Variants in COL4A2 observed in about 807,000 individuals in gnomAD.
COL4A2 encodes collagen type IV alpha 2 chain.
In COL4A2, 99 loss-of-function variants were observed where a neutral mutation model predicts 200.2. That is an observed-to-expected ratio of 0.49 (90% CI 0.42 to 0.58). The LOEUF is 0.58. COL4A2 is among the 20% of genes least tolerant of loss of function. The pLI, the probability that COL4A2 is intolerant of heterozygous loss-of-function variation, is 0.00. For missense variants in COL4A2, 1,950 were observed against 2,314.1 expected (o/e 0.84, Z 3.23); for synonymous variants, 897 against 900.6 (o/e 1.00, Z 0.07).
chr13:110,458,682 AC>A, intron 21 of COL4A2, 88 bp from the exon 22 acceptor site: 1 of 1,537,782 alleles, frequency 6.5e-7, no homozygotes, highest in Non-Finnish European at 8.9e-7. Context: ...CAAGTGTGCC[AC>A]CCAGCTCTCC....
chr13:110,509,297 A>ACACACAC (rs1566575730), intron 47 of COL4A2, among the ~76,000 whole-genome samples: 1 of 141,820 alleles, frequency 7.1e-6, no homozygotes, highest in African/African-American at 2.6e-5. Context: ...ACACACACAC[A>ACACACAC]ACATAAAATA....
chr13:110,459,083 C>CCG, intron 22 of COL4A2, 149 bp downstream of exon 22: 2 of 772,154 alleles, frequency 2.6e-6, no homozygotes, highest in Admixed American at 3.5e-5. Flanking sequence ...TAAAAACCCA[C>CCG]ATACCCCAAG....
At chr13:110,506,659 G>A in intron 46 of COL4A2, 53 bp downstream of exon 46, 3 of 1,510,780 alleles carry the variant, frequency 2.0e-6, no homozygotes, top group Non-Finnish European at 2.7e-6. Context: ...GCCCGGAAGT[G>A]GCCAAGATCA....
At chr13:110,435,572 C>T (rs1242628910) in intron 12 of COL4A2, among the ~76,000 whole-genome samples, 2 of 152,080 alleles carry the variant, frequency 1.3e-5, no homozygotes, top group African/African-American at 2.4e-5. Flanking sequence ...TACTGCTGTC[C>T]GTGTTATGTG....
At chr13:110,334,356 T>C (rs545222442) in intron 3 of COL4A2, among the ~76,000 whole-genome samples, 1 of 152,320 alleles carries the variant, frequency 6.6e-6, no homozygotes, top group South Asian at 2.1e-4. Context: ...ACCATCTGCA[T>C]GTTGGAAGTG....
chr13:110,503,168 A>G lies in COL4A2; in HGVS notation c.3925A>G (p.Ser1309Gly). ...GPPGSAALPG[S>G]KGDTGNPGAP... ...ACCAGGTTCTGCTGCTCTTCCTGGA[A>G]GCAAAGGTGACACAGGGAACCCAGG... Residue 1309 changes from serine to glycine, a missense_variant, in exon 42 of 48, where the codon AGC (serine) becomes GGC (glycine). Ser to Gly is a moderately conservative substitution (Grantham distance 56). Around this residue, in one of 2 missense-constraint regions of COL4A2, gnomAD observed 1,385 missense variants for 1,720.5 expected, o/e 0.80. Coordinates refer to ENST00000360467, the MANE Select transcript of COL4A2 (RefSeq NM_001846.4). 1 of 1,613,988 alleles carries G rather than the reference A, an allele frequency of 6.2e-7. No individual in the cohort carries two copies. Among genetic ancestry groups the G allele is most frequent in the Non-Finnish European group, 8.5e-7 (1 of 1,179,988 alleles).
At chr13:110,388,290 T>TGGGA (rs983094385) in intron 4 of COL4A2, among the ~76,000 whole-genome samples, 7 of 152,210 alleles carry the variant, frequency 4.6e-5, no homozygotes, top group Admixed American at 4.6e-4. Context: ...GCCGGCACCT[T>TGGGA]GGGAGGCACT....
At chr13:110,500,492 A>G (rs1883603103) in intron 40 of COL4A2, among the ~76,000 whole-genome samples, 1 of 152,222 alleles carries the variant, frequency 6.6e-6, no homozygotes, top group South Asian at 2.1e-4. Flanking sequence ...GTTGGCTGAC[A>G]GCACAGGGAG....
chr13:110,424,891 C>T (rs1566525659), intron 5 of COL4A2, 23 bp downstream of exon 5: 1 of 1,614,142 alleles, frequency 6.2e-7, no homozygotes, highest in East Asian at 2.2e-5. Context: ...GGTGTATTCC[C>T]CTGGCCTCAT....
Position 110,506,529 on chromosome 13 carries a change from T to A in COL4A2, c.4517T>A (p.Val1506Glu). The part of the protein sequence containing the change: ...SQTDQEPMCP[V>E]GMNKLWSGYS... The stretch of plus-strand genomic sequence containing the variant: ...ACGGACCAGGAGCCCATGTGCCCAG[T>A]GGGCATGAACAAACTCTGGAGTGGA... The change falls in exon 46 of 48, where the codon GTG becomes GAG. Residue 1506 changes from valine to glutamate, a missense_variant. Physicochemically the swap from Val to Glu is moderately radical, Grantham distance 121. This residue lies in a region of COL4A2 where 1,385 missense variants were observed against 1,720.5 expected (regional missense o/e 0.80). Coordinates refer to ENST00000360467, the MANE Select transcript of COL4A2 (RefSeq NM_001846.4). 6.2e-7 allele frequency: 1 copy of A among 1,613,106 alleles called. No homozygotes were observed.
chr13:110,395,565 G>C (rs1879154767), intron 4 of COL4A2, among the ~76,000 whole-genome samples: 1 of 152,126 alleles, frequency 6.6e-6, no homozygotes, highest in Admixed American at 6.6e-5. Context: ...TTTAGATGTG[G>C]TCATTATATT....
intron 10 of COL4A2, 128 bp from the exon 11 acceptor site, chr13:110,432,197 G>T: frequency 8.4e-7 from 1 of 1,185,436 alleles, no homozygotes; most frequent in Non-Finnish European, 1.1e-6. Flanking sequence ...AAATGCATCA[G>T]AAACCTCCAT....
At chr13:110,400,256 GA>G (rs1389113680) in intron 4 of COL4A2, among the ~76,000 whole-genome samples, 1 of 151,830 alleles carries the variant, frequency 6.6e-6, no homozygotes, top group Non-Finnish European at 1.5e-5. Flanking sequence ...ACCTACTACA[GA>G]AAAAAAAGTG....
chr13:110,449,907 G>A, intron 19 of COL4A2, 118 bp downstream of exon 19: 1 of 1,175,772 alleles, frequency 8.5e-7, no homozygotes, highest in South Asian at 1.4e-5. Context: ...TTTCCCCACT[G>A]ACTAGTCTTA....
In COL4A2 at chr13:110,487,317, G is replaced by C. The variant is rs1047467969; in HGVS notation, c.3207+1481G>C. 1.8e-4 allele frequency among the ~76,000 whole-genome samples: 28 copies of C among 152,232 alleles called. 1 individual carries two copies. Among genetic ancestry groups the C allele is most frequent in the Non-Finnish European group, 1.3e-4 (9 of 68,038 alleles). ...AAATATAAAAAATTAACCGGGTTTG[G>C]TGCTGCGCACTCATAATCCCAGCTA... On this transcript the variant is annotated intron_variant, in intron 34 of 47. Coordinates refer to ENST00000360467, the MANE Select transcript of COL4A2 (RefSeq NM_001846.4).
chr13:110,411,250 GCTTCA>G (rs1879822094), intron 4 of COL4A2, among the ~76,000 whole-genome samples: 1 of 152,182 alleles, frequency 6.6e-6, no homozygotes, highest in Non-Finnish European at 1.5e-5. Flanking sequence ...GCTAAACCCT[GCTTCA>G]GAATATGCTT....
intron 3 of COL4A2, among the ~76,000 whole-genome samples, chr13:110,333,655 G>A (rs1876033562): frequency 6.6e-6 from 1 of 152,182 alleles, no homozygotes; most frequent in African/African-American, 2.4e-5. Flanking sequence ...ACGAACCGTG[G>A]TCCTGCTCCC....
intron 3 of COL4A2, among the ~76,000 whole-genome samples, chr13:110,324,339 C>G (rs919561929): frequency 2.0e-5 from 3 of 152,220 alleles, no homozygotes; most frequent in Non-Finnish European, 4.4e-5. Context: ...CCAATGTCCA[C>G]TGGTGGGCGA....
chr13:110,465,414 A>C lies in COL4A2; in HGVS notation c.1786A>C (p.Ile596Leu). 6.2e-7 allele frequency: 1 copy of C among 1,609,790 alleles called. No homozygotes were observed. Among genetic ancestry groups the C allele is most frequent in the Non-Finnish European group, 8.5e-7 (1 of 1,178,842 alleles). Residue 596 changes from isoleucine (I) to leucine (L), a missense_variant, in exon 25 of 48, where the codon ATC (isoleucine) becomes CTC (leucine). Transcript: ENST00000360467. ...CTGAATTTTCACACAGGGTGATGGC[A>C]TCAAGGGCCCTCCAGGGGACCCAGG... is the stretch of plus-strand genomic sequence containing the variant. ...PGLPGPPGDGIKGPPGDPGYP... is the reference protein window; with the variant it reads ...PGLPGPPGDGLKGPPGDPGYP...
Sources: allele counts gnomAD v4.1 joint callset (sites outside exome capture counted in the v4.1 genomes callset), GRCh38; gene constraint gnomAD v4.1.1; regional missense constraint gnomAD v4.1.1; transcripts MANE v1.5; gene names NCBI Gene and HGNC (gene_info 2026-07-23, HGNC 2026-07-21).